Variants in TEX11 observed in about 807,000 individuals in gnomAD.
TEX11 encodes the protein testis-expressed protein 11.
Under a neutral mutation model 84.4 loss-of-function variants are expected in TEX11, and 7 were observed. The observed-to-expected ratio is 0.08, with a 90% CI of 0.05 to 0.16. TEX11 has a LOEUF of 0.16. Among genes scored for constraint, TEX11 ranks in the 10% least tolerant of loss-of-function variants. TEX11 has a pLI of 1.00. For missense variants in TEX11, 551 were observed against 660.5 expected (o/e 0.83, Z 1.82); for synonymous variants, 264 against 222.8 (o/e 1.18, Z -1.64).
At chrX:70,591,965 A>C in intron 24 of TEX11, 142 bp from the exon 25 acceptor site, 1 of 417,356 alleles carries the variant, frequency 2.4e-6, no homozygotes, top group Non-Finnish European at 4.1e-6. Flanking sequence ...AACATTTTGG[A>C]GTTTATATAG....
intron 12 of TEX11, among the ~76,000 whole-genome samples, chrX:70,723,714 CA>C (rs2090578175): frequency 9.0e-6 from 1 of 111,217 alleles, no homozygotes; most frequent in East Asian, 2.8e-4. Flanking sequence ...TAGTATTTTC[CA>C]AAAATGTCTT....
chrX:70,793,625 T>C (rs1203895054), intron 9 of TEX11, among the ~76,000 whole-genome samples: 1 of 111,925 alleles, frequency 8.9e-6, no homozygotes, highest in Non-Finnish European at 1.9e-5. Context: ...CAGAAGCAGA[T>C]GACAGCACTA....
At chrX:70,566,069 T>C (rs2088469626) in intron 25 of TEX11, among the ~76,000 whole-genome samples, 1 of 108,673 alleles carries the variant, frequency 9.2e-6, no homozygotes, top group African/African-American at 3.4e-5. Flanking sequence ...TTGTATCCTC[T>C]TTTATTTCCT....
intron 17 of TEX11, among the ~76,000 whole-genome samples, chrX:70,633,207 C>T (rs1242172552): frequency 8.9e-6 from 1 of 112,140 alleles, no homozygotes; most frequent in Non-Finnish European, 1.9e-5. Context: ...AAGGAGTATA[C>T]ATCATGATCA....
chrX:70,743,191 T>C (rs1423768176), intron 10 of TEX11, among the ~76,000 whole-genome samples: 1 of 112,279 alleles, frequency 8.9e-6, no homozygotes, highest in Non-Finnish European at 1.9e-5. Flanking sequence ...CTCCTCACAG[T>C]TAACCCATGT....
chrX:70,836,965 T>C (rs1223869399), intron 7 of TEX11, among the ~76,000 whole-genome samples: 1 of 110,674 alleles, frequency 9.0e-6, no homozygotes, highest in African/African-American at 3.3e-5. Flanking sequence ...TGCAGTGAGC[T>C]GAGATCATGC....
chrX:70,811,477 A>T (rs150144087), intron 8 of TEX11, among the ~76,000 whole-genome samples: 2,570 of 111,959 alleles, frequency 0.023, 73 homozygotes, highest in Admixed American at 0.12. Flanking sequence ...ATAGTGCCGC[A>T]ATAAACATAT....
At chrX:70,629,085 G>T (rs2147560029) in intron 18 of TEX11, among the ~76,000 whole-genome samples, 1 of 112,085 alleles carries the variant, frequency 8.9e-6, no homozygotes, top group South Asian at 3.7e-4. Context: ...AGATTAAATG[G>T]CAGAGCCAGT....
At chrX:70,660,358 A>C (rs1289200142) in intron 16 of TEX11, among the ~76,000 whole-genome samples, 1 of 112,809 alleles carries the variant, frequency 8.9e-6, no homozygotes, top group Non-Finnish European at 1.9e-5. Flanking sequence ...TTAATATTTA[A>C]AAAACTTTTT....
At chrX:70,640,434 C>A (rs1347749543) in intron 17 of TEX11, among the ~76,000 whole-genome samples, 2 of 105,556 alleles carry the variant, frequency 1.9e-5, no homozygotes, top group African/African-American at 6.9e-5. Flanking sequence ...CAAAGATACT[C>A]CTCGAGAAGA....
chrX:70,823,680 TA>T (rs1483111712), intron 8 of TEX11, among the ~76,000 whole-genome samples: 1 of 111,463 alleles, frequency 9.0e-6, no homozygotes, highest in East Asian at 2.8e-4. Flanking sequence ...AAGGGCCTCT[TA>T]ATGGCCAAAT....
rs202082738 is a variant in TEX11, at chrX:70,591,172, GATA to G, written c.2140+576_2140+578del. 6.2e-3 allele frequency among the ~76,000 whole-genome samples: 696 copies of G among 111,935 alleles called. 6 individuals are homozygous for G. Among genetic ancestry groups the G allele is most frequent in the East Asian group, 0.057 (205 of 3,576 alleles). On this transcript the variant is annotated intron_variant, in intron 25 of 29. Transcript: ENST00000374333. ...ACATTAAATCTAGTGATCTAAGATTGATAATATTATGTTAAACAATAATAAAAT... is the reference window on the plus strand; with the variant it reads ...ACATTAAATCTAGTGATCTAAGATTGATATTATGTTAAACAATAATAAAAT...
chrX:70,578,943 CG>C, intron 25 of TEX11, among the ~76,000 whole-genome samples: 1 of 106,600 alleles, frequency 9.4e-6, no homozygotes, highest in Non-Finnish European at 1.9e-5. Flanking sequence ...GCTAATTTTT[CG>C]TATTTTTAGT....
chrX:70,864,636 G>A (rs1482575012), intron 4 of TEX11, among the ~76,000 whole-genome samples: 1 of 106,740 alleles, frequency 9.4e-6, no homozygotes, highest in Non-Finnish European at 1.9e-5. Flanking sequence ...CAGCTACTCG[G>A]GAGGCTGAGG....
At position 70,841,432 on chromosome X, in the gene TEX11, C is replaced by T. The variant is rs985941882; in HGVS notation, c.526-7839G>A. 8.5e-4 allele frequency among the ~76,000 whole-genome samples: 94 copies of T among 110,691 alleles called. 1 individual carries two copies. Among genetic ancestry groups the T allele is most frequent in the East Asian group, 5.6e-4 (2 of 3,552 alleles). ...AAATAAAGATGTTCTTTGAAACCAACGAGAACAAAGACACAACATACCAGA... is the reference window on the plus strand; with the variant it reads ...AAATAAAGATGTTCTTTGAAACCAATGAGAACAAAGACACAACATACCAGA... On this transcript the variant is annotated intron_variant, in intron 7 of 29. Coordinates refer to ENST00000374333, the MANE Select transcript of TEX11 (RefSeq NM_031276.3).
In TEX11 at chrX:70,728,474, G is replaced by A. The variant is rs138883480; in HGVS notation, c.844-3131C>T. Among the ~76,000 whole-genome samples the A allele has an allele frequency of 2.1e-3, 241 of 112,976 alleles. 1 individual carries two copies. Among genetic ancestry groups the A allele is most frequent in the African/African-American group, 7.5e-3 (233 of 31,186 alleles). On this transcript the variant is annotated intron_variant, in intron 11 of 29. Coordinates refer to ENST00000374333, the MANE Select transcript of TEX11 (RefSeq NM_031276.3). ...CAGGTCACTCCCACCATAATACTGCGCACTTCCAACGGTCTTAGCAAACAA... is the reference window on the plus strand; with the variant it reads ...CAGGTCACTCCCACCATAATACTGCACACTTCCAACGGTCTTAGCAAACAA...
intron 9 of TEX11, among the ~76,000 whole-genome samples, chrX:70,758,442 A>C (rs940340054): frequency 8.9e-6 from 1 of 112,281 alleles, no homozygotes; most frequent in African/African-American, 3.2e-5. Flanking sequence ...AGTGCAATCA[A>C]ATTAGAACTC....
chrX:70,654,018 C>T (rs1254764720), intron 16 of TEX11, among the ~76,000 whole-genome samples: 1 of 111,554 alleles, frequency 9.0e-6, no homozygotes, highest in Non-Finnish European at 1.9e-5. Context: ...CAGTGGTTGA[C>T]ACTAGTTCAG....
intron 9 of TEX11, among the ~76,000 whole-genome samples, chrX:70,764,892 T>C (rs762328985): frequency 2.7e-5 from 3 of 111,050 alleles, no homozygotes; most frequent in Non-Finnish European, 5.7e-5. Flanking sequence ...TTCTATAAAA[T>C]ATTTAAAGAA....
Sources: allele counts gnomAD v4.1 joint callset (sites outside exome capture counted in the v4.1 genomes callset), GRCh38; gene constraint gnomAD v4.1.1; transcripts MANE v1.5; gene names NCBI Gene and HGNC (gene_info 2026-07-23, HGNC 2026-07-21).